The following ABHD16A variants were observed in gnomAD, a reference collection of about 807,000 sequenced individuals.
ABHD16A encodes abhydrolase domain containing 16A, phospholipase.
In ABHD16A, 47 loss-of-function variants were observed where a neutral mutation model predicts 89.8. The ratio of observed to expected loss-of-function variants is 0.52; its 90% CI spans 0.41 to 0.67. The LOEUF is 0.67. ABHD16A is among the 30% of genes least tolerant of loss of function. ABHD16A has a pLI of 0.00. For missense variants in ABHD16A, 580 were observed against 734.6 expected, an observed-to-expected ratio of 0.79 and a Z score of 2.43; for synonymous variants, 251 against 280.4, an observed-to-expected ratio of 0.90 and a Z score of 1.05.
intron 5 of ABHD16A, among the ~76,000 whole-genome samples, chr6:31,695,930 C>A (rs1438399165): frequency 6.6e-6 from 1 of 152,036 alleles, no homozygotes; most frequent in Non-Finnish European, 1.5e-5. Context: ...CTTTGGGAGG[C>A]CGAGGCAGGC....
At position 31,693,135 on chromosome 6, in the gene ABHD16A, C is replaced by T; in HGVS notation, c.518G>A (p.Gly173Glu). Reference sequence around the variant, plus strand: ...GGCCACACCCCGGCGGGAAGGGCCCCCTCGAGACTCCTTCCTGAGGAAGGG... The same window carrying T: ...GGCCACACCCCGGCGGGAAGGGCCCTCTCGAGACTCCTTCCTGAGGAAGGG... ...EEPSSRKESR[G>E]GPSRRGVALL... The change falls in exon 7 of 20, where the codon GGG becomes GAG. Residue 173 changes from glycine (G) to glutamate (E), a missense_variant. By Grantham distance (98) the Gly-to-Glu change is moderately conservative. This residue lies in a region of ABHD16A where 415 missense variants were observed against 568.8 expected (regional missense o/e 0.73). Transcript: ENST00000395952. This position sits in a 1 kb window ranked among gnomAD's most constrained non-coding sequence, Gnocchi z 5.0. 6.2e-7 allele frequency: 1 copy of T among 1,613,212 alleles called. No homozygotes were observed. Among genetic ancestry groups the T allele is most frequent in the Non-Finnish European group, 8.5e-7 (1 of 1,179,598 alleles).
rs763901177 is a variant in ABHD16A at position 31,693,333 on chromosome 6, A to G, written c.503+26T>C. ...TTCTGGAATGGTTCTAAGGGGAGAGATACAGCAAAAGAACTGGGGCCTCAC... is the reference window on the plus strand; with the variant it reads ...TTCTGGAATGGTTCTAAGGGGAGAGGTACAGCAAAAGAACTGGGGCCTCAC... On this transcript the variant is annotated intron_variant, in intron 6 of 19. Transcript: ENST00000395952. This position sits in a 1 kb window ranked among gnomAD's most constrained non-coding sequence, Gnocchi z 5.0. 2 of 1,612,486 alleles carry G rather than the reference A, an allele frequency of 1.2e-6. No individual in the cohort carries two copies. The highest frequency in any genetic ancestry group is 1.7e-6 in the Non-Finnish European group (2 of 1,179,490).
intron 7 of ABHD16A, 129 bp downstream of exon 7, chr6:31,692,898 G>GATCT: frequency 1.6e-6 from 2 of 1,281,518 alleles, no homozygotes; most frequent in Non-Finnish European, 2.2e-6. Flanking sequence ...TGCCATAAAT[G>GATCT]ATCTACACAA....
Position 31,689,379 on chromosome 6 carries a change from T to A in ABHD16A, c.1081+202A>T, listed in dbSNP as rs150576099. Among the ~76,000 whole-genome samples, 31 of 152,302 alleles carry A rather than the reference T, an allele frequency of 2.0e-4. 1 individual carries two copies. In the East Asian group the frequency reaches 5.8e-3, roughly 28 times the overall value. ...CCCACCCAGGACCTGGGTCTGCTTT[T>A]CCTTTTAATGACTGGGCACAAGAGG... On this transcript the variant is annotated intron_variant, in intron 12 of 19. Coordinates refer to ENST00000395952, the MANE Select transcript of ABHD16A (RefSeq NM_021160.3).
intron 12 of ABHD16A, 66 bp downstream of exon 12, chr6:31,689,515 C>A: frequency 6.8e-7 from 1 of 1,465,426 alleles, no homozygotes; most frequent in Non-Finnish European, 9.0e-7. Context: ...ATTTCCCCAC[C>A]TCTCCCGGGT....
chr6:31,703,162 A>G lies in ABHD16A; in HGVS notation c.120T>C (p.His40=). 1.4e-6 allele frequency: 2 copies of G among 1,432,582 alleles called. No homozygotes were observed. The highest frequency in any genetic ancestry group is 2.9e-5 in the African/African-American group (2 of 67,940). 88.7% of individuals were successfully genotyped at this position (1,432,582 alleles called of 1,614,324 possible). Residue 40 remains histidine, a synonymous_variant, in exon 1 of 20, where the codon CAT becomes CAC. Transcript: ENST00000395952. ...PETPTAVTAP[H]SSSWDTYYQP... ...GAACTCGACTCACCCAGGAGCTGGA[A>G]TGGGGGGCAGTGACTGCCGTTGGCG... is the stretch of plus-strand genomic sequence containing the variant.
chr6:31,691,364 TTAA>T (rs1350093757), intron 9 of ABHD16A: 7 of 554,572 alleles, frequency 1.3e-5, no homozygotes, highest in African/African-American at 9.4e-5. Context: ...GTGGTAACTA[TTAA>T]TATTAGTTTC....
chr6:31,690,679 C>T lies in ABHD16A; in HGVS notation c.844-77G>A. 1 of 1,320,434 alleles carries T rather than the reference C, an allele frequency of 7.6e-7. No individual in the cohort carries two copies. The allele number at this position is 1,320,434 out of a possible 1,614,324, so 81.8% of individuals were successfully genotyped here. ...ACTCCCTTTGGGCAGGGAGGGCAGC[C>T]CATGAAGAGCTTTGCAGGGAAGAGG... On this transcript the variant is annotated intron_variant, in intron 9 of 19. Transcript: ENST00000395952. This position sits in a 1 kb window ranked among gnomAD's most constrained non-coding sequence, Gnocchi z 4.1.
intron 7 of ABHD16A, 84 bp from the exon 8 acceptor site, chr6:31,692,002 A>T: frequency 9.4e-7 from 1 of 1,061,748 alleles, no homozygotes; most frequent in Non-Finnish European, 1.4e-6. Flanking sequence ...TAGCACTCAC[A>T]GACTGTAAGG....
At chr6:31,689,492 T>G (rs886777794) in intron 12 of ABHD16A, 89 bp downstream of exon 12, 48 of 1,432,818 alleles carry the variant, frequency 3.4e-5, no homozygotes, top group Non-Finnish European at 4.4e-5. Context: ...TCCTTGAGCC[T>G]CCACCCCACC....
At chr6:31,697,386 G>A (rs931221303) in intron 4 of ABHD16A, among the ~76,000 whole-genome samples, 2 of 152,020 alleles carry the variant, frequency 1.3e-5, no homozygotes, top group East Asian at 1.9e-4. Context: ...TCTCCCTTGC[G>A]AATATCAAAT....
chr6:31,691,696 G>T lies in ABHD16A; in HGVS notation c.742-16C>A, dbSNP rs370466476. ...GCCCATTACACTGAGTACGGAAGAC[G>T]CAATGGCCAAGATGCAAGGGTCAGG... is the stretch of plus-strand genomic sequence containing the variant. On this transcript the variant is annotated splice_polypyrimidine_tract_variant and intron_variant, in intron 8 of 19. Coordinates refer to ENST00000395952, the MANE Select transcript of ABHD16A (RefSeq NM_021160.3). 1 of 1,466,000 alleles carries T rather than the reference G, an allele frequency of 6.8e-7. No individual in the cohort carries two copies. Among genetic ancestry groups the T allele is most frequent in the Non-Finnish European group, 9.2e-7 (1 of 1,092,590 alleles). The allele number at this position is 1,466,000 out of a possible 1,614,324, so 90.8% of individuals were successfully genotyped here.
At position 31,688,636 on chromosome 6, in the gene ABHD16A, C is replaced by T. The variant is rs1803535912; in HGVS notation, c.1250+87G>A. On this transcript the variant is annotated intron_variant, in intron 14 of 19. Coordinates refer to ENST00000395952, the MANE Select transcript of ABHD16A (RefSeq NM_021160.3). The surrounding 1 kb of genome is among the most constrained non-coding windows in gnomAD (Gnocchi z 4.9). ...GAGCCAGTGGCCTTTTACCAACTTG[C>T]ACTTTAGTACTAGTTTCAGGGTTTG... The T allele has an allele frequency of 1.4e-6, 2 of 1,471,566 alleles. No homozygotes were observed. The highest frequency in any genetic ancestry group is 1.9e-6 in the Non-Finnish European group (2 of 1,061,876). 91.2% of individuals were successfully genotyped at this position (1,471,566 alleles called of 1,614,324 possible).
intron 7 of ABHD16A, 154 bp downstream of exon 7, chr6:31,692,872 TG>T: frequency 2.0e-6 from 2 of 1,010,952 alleles, no homozygotes; most frequent in Non-Finnish European, 3.0e-6. Context: ...AACATAAATA[TG>T]GATAAAAATG....
intron 3 of ABHD16A, 94 bp downstream of exon 3, chr6:31,701,180 C>G: frequency 4.3e-6 from 6 of 1,404,366 alleles, no homozygotes; most frequent in Non-Finnish European, 6.0e-6. Context: ...GAAGCCAAGC[C>G]ATCTTCACAG....
chr6:31,702,613 A>G, intron 1 of ABHD16A: 1 of 1,483,420 alleles, frequency 6.7e-7, no homozygotes, highest in South Asian at 1.3e-5. Context: ...ACAGCCTACC[A>G]CCACCCGCCA....
chr6:31,687,548 CAG>C lies in ABHD16A; in HGVS notation c.1547-6_1547-5del. 1 of 1,613,092 alleles carries C rather than the reference CAG, an allele frequency of 6.2e-7. No individual in the cohort carries two copies. Among genetic ancestry groups the C allele is most frequent in the South Asian group, 1.1e-5 (1 of 91,080 alleles). On this transcript the variant is annotated splice_region_variant and splice_polypyrimidine_tract_variant and intron_variant, in intron 18 of 19. Transcript: ENST00000395952. The surrounding 1 kb of genome is among the most constrained non-coding windows in gnomAD (Gnocchi z 6.3). Reference sequence around the variant, plus strand: ...CCATCTGCACTCATGTCCTCCCCTGCAGAGAGGAGGCGCTCAAAATAGGCCAC... The same window carrying C: ...CCATCTGCACTCATGTCCTCCCCTGCAGAGGAGGCGCTCAAAATAGGCCAC...
Position 31,687,572 on chromosome 6 carries a change from C to T in ABHD16A, c.1547-28G>A. On this transcript the variant is annotated intron_variant, in intron 18 of 19. Transcript: ENST00000395952. The surrounding 1 kb of genome is among the most constrained non-coding windows in gnomAD (Gnocchi z 6.3). ...GCAGAGAGGAGGCGCTCAAAATAGG[C>T]CACACATCTGGGTATTCATCCCCTT... 1.2e-6 allele frequency: 2 copies of T among 1,613,030 alleles called. No individual in the cohort carries two copies. The highest frequency in any genetic ancestry group is 1.7e-6 in the Non-Finnish European group (2 of 1,179,994).
Position 31,698,703 on chromosome 6 carries a change from A to G in ABHD16A, c.344-1670T>C, listed in dbSNP as rs1804623388. ...AAAATAAATAAAATAAAAAACTAAG[A>G]CAAAACTGAGCAGTGGGAGCTACTT... On this transcript the variant is annotated intron_variant, in intron 4 of 19. Coordinates refer to ENST00000395952, the MANE Select transcript of ABHD16A (RefSeq NM_021160.3). The surrounding 1 kb of genome is among the most constrained non-coding windows in gnomAD (Gnocchi z 4.1). 6.6e-6 allele frequency among the ~76,000 whole-genome samples: 1 copy of G among 152,106 alleles called. No individual in the cohort carries two copies. The highest frequency in any genetic ancestry group is 2.4e-5 in the African/African-American group (1 of 41,406).
Sources: allele counts gnomAD v4.1 joint callset (sites outside exome capture counted in the v4.1 genomes callset), GRCh38; gene constraint gnomAD v4.1.1; regional missense constraint gnomAD v4.1.1; non-coding constraint Gnocchi (gnomAD v3.1); transcripts MANE v1.5; gene names NCBI Gene and HGNC (gene_info 2026-07-23, HGNC 2026-07-21).